Variants in ITK observed in about 807,000 individuals in gnomAD.
ITK encodes IL2 inducible T cell kinase, also known as tyrosine-protein kinase ITK/TSK.
In ITK, 45 loss-of-function variants were observed where a neutral mutation model predicts 87.6. The ratio of observed to expected loss-of-function variants is 0.51; its 90% CI spans 0.40 to 0.66. The LOEUF is 0.66. Among genes scored for constraint, ITK ranks in the 30% least tolerant of loss-of-function variants. The pLI is 0.00. For missense variants in ITK, 605 were observed against 766.3 expected (o/e 0.79, Z 2.48); for synonymous variants, 303 against 273.6 (o/e 1.11, Z -1.06).
At chr5:157,208,826 G>A (rs1159348428) in intron 1 of ITK, 63 bp from the exon 2 acceptor site, 2 of 1,161,278 alleles carry the variant, frequency 1.7e-6, no homozygotes, top group Non-Finnish European at 2.6e-6. Context: ...GATTTCTGGA[G>A]CAATCTGGAC....
intron 1 of ITK, among the ~76,000 whole-genome samples, chr5:157,202,048 T>C (rs1178341625): frequency 6.6e-6 from 1 of 152,102 alleles, no homozygotes; most frequent in Non-Finnish European, 1.5e-5. Flanking sequence ...TGTGCTCACT[T>C]TTTAGCCCCC....
intron 1 of ITK, among the ~76,000 whole-genome samples, chr5:157,207,065 C>T (rs1369680905): frequency 1.3e-5 from 2 of 151,948 alleles, no homozygotes; most frequent in Non-Finnish European, 2.9e-5. Context: ...TATATTTCAC[C>T]TTTAAATTTT....
chr5:157,228,552 G>C (rs1269878585), intron 7 of ITK, among the ~76,000 whole-genome samples, 191 bp downstream of exon 7: 2 of 152,182 alleles, frequency 1.3e-5, no homozygotes, highest in African/African-American at 2.4e-5. Context: ...TGGAGAAAAG[G>C]CTTGGGGTAG....
chr5:157,233,932 C>CAT (rs201838461), intron 8 of ITK, among the ~76,000 whole-genome samples: 666 of 21,500 alleles, frequency 0.031, 22 homozygotes, highest in African/African-American at 0.035. Flanking sequence ...CTTACTGATA[C>CAT]ATATATATAT....
chr5:157,241,621 C>T (rs1251800963), intron 10 of ITK, 25 bp from the exon 11 acceptor site: 2 of 1,584,860 alleles, frequency 1.3e-6, no homozygotes, highest in African/African-American at 1.3e-5. Context: ...CTAACCACTG[C>T]TTCTTGGCTT....
At chr5:157,209,481 C>CT (rs1464849770) in intron 2 of ITK, among the ~76,000 whole-genome samples, 1 of 152,164 alleles carries the variant, frequency 6.6e-6, no homozygotes, top group Non-Finnish European at 1.5e-5. Context: ...AATTCTTTCA[C>CT]TTATTGAACA....
intron 2 of ITK, among the ~76,000 whole-genome samples, chr5:157,209,760 T>A (rs1184444748): frequency 2.6e-5 from 4 of 152,058 alleles, no homozygotes; most frequent in Non-Finnish European, 5.9e-5. Flanking sequence ...TCTAGTACAG[T>A]AGCCACTAGC....
intron 4 of ITK, among the ~76,000 whole-genome samples, chr5:157,216,708 T>C (rs552796403): frequency 6.6e-5 from 10 of 152,176 alleles, no homozygotes; most frequent in African/African-American, 2.2e-4. Context: ...GGGCTGGAAG[T>C]GGCCAAGGCT....
At position 157,244,190 on chromosome 5, in the gene ITK, G is replaced by C. The variant is rs1212950087; in HGVS notation, c.1233-72G>C. 2.6e-6 allele frequency: 3 copies of C among 1,163,596 alleles called. No homozygotes were observed. The Admixed American group carries it at 5.1e-5, about 20-fold the overall frequency. The allele number at this position is 1,163,596 out of a possible 1,614,324, so 72.1% of individuals were successfully genotyped here. ...AGACAAAATGACCATTGGCTATTTT[G>C]GTACCATAATATTTTCGGCATTTTT... On this transcript the variant is annotated intron_variant, in intron 12 of 16. Coordinates refer to ENST00000422843, the MANE Select transcript of ITK (RefSeq NM_005546.4).
In ITK at chr5:157,201,075, A is replaced by AATAT. The variant is rs1554100495; in HGVS notation, c.139-7814_139-7813insATAT. ...CTATCCTAAAGTCAATTAAGATAATATACAATATTACTTGAATAAATGTCA... is the reference window on the plus strand; with the variant it reads ...CTATCCTAAAGTCAATTAAGATAATAATATTACAATATTACTTGAATAAATGTCA... On this transcript the variant is annotated intron_variant, in intron 1 of 16. Coordinates refer to ENST00000422843, the MANE Select transcript of ITK (RefSeq NM_005546.4). Among the ~76,000 whole-genome samples, 619 of 151,572 alleles carry AATAT rather than the reference A, an allele frequency of 4.1e-3. 5 individuals are homozygous for AATAT. The highest frequency in any genetic ancestry group is 0.014 in the African/African-American group (597 of 41,448).
intron 1 of ITK, among the ~76,000 whole-genome samples, chr5:157,193,498 C>T (rs916375569): frequency 2.0e-5 from 3 of 152,116 alleles, no homozygotes; most frequent in Admixed American, 2.0e-4. Context: ...TTCATAGCAT[C>T]AAGGTTAAGT....
At chr5:157,232,953 T>C (rs956524444) in intron 8 of ITK, among the ~76,000 whole-genome samples, 4 of 152,198 alleles carry the variant, frequency 2.6e-5, no homozygotes, top group Non-Finnish European at 5.9e-5. Context: ...AGAGGAAACA[T>C]AGCACTTGTT....
chr5:157,210,586 C>T (rs980888707), intron 2 of ITK, among the ~76,000 whole-genome samples: 7 of 148,688 alleles, frequency 4.7e-5, no homozygotes, highest in African/African-American at 1.7e-4. Context: ...GGTACATGTG[C>T]ACATTGTGCA....
rs1030526919 is a variant in ITK, at chr5:157,244,208, G to A, written c.1233-54G>A. ...CTATTTTGGTACCATAATATTTTCG[G>A]CATTTTTGGGAGACTGAGTTTAGGC... is the stretch of plus-strand genomic sequence containing the variant. On this transcript the variant is annotated intron_variant, in intron 12 of 16. Coordinates refer to ENST00000422843, the MANE Select transcript of ITK (RefSeq NM_005546.4). 15 of 1,397,894 alleles carry A rather than the reference G, an allele frequency of 1.1e-5. No individual in the cohort carries two copies. In the African/African-American group the frequency reaches 1.8e-4, roughly 17 times the overall value. 86.6% of individuals were successfully genotyped at this position (1,397,894 alleles called of 1,614,324 possible). A position where few individuals can be genotyped will look rare whatever the true frequency, so the allele number is the denominator to read the frequency against.
rs749770977 is a variant in ITK, at chr5:157,229,556, T to C, written c.713+1195T>C. On this transcript the variant is annotated intron_variant, in intron 7 of 16. Coordinates refer to ENST00000422843, the MANE Select transcript of ITK (RefSeq NM_005546.4). ...ATTCTCTAAAATTAATGTCCTGGGC[T>C]CTTCAAAAAAAAATGTTAATATCAG... Among the ~76,000 whole-genome samples the C allele has an allele frequency of 5.3e-5, 8 of 151,928 alleles. No individual in the cohort carries two copies. In the Middle Eastern group the frequency reaches 0.017, roughly 323 times the overall value.
intron 13 of ITK, chr5:157,245,292 A>C (rs766199758): frequency 1.3e-4 from 32 of 253,768 alleles, no homozygotes; most frequent in Non-Finnish European, 2.1e-4. Flanking sequence ...TCAATGCAAC[A>C]GTCTATAATA....
chr5:157,180,951 G>A lies in ITK; in HGVS notation c.-27G>A, dbSNP rs2113732549. On this transcript the variant is annotated 5_prime_UTR_variant, in exon 1 of 17. Coordinates refer to ENST00000422843, the MANE Select transcript of ITK (RefSeq NM_005546.4). ...GGTTGTGCTAAGAGGTGATGCCCAA[G>A]GTGCACCACCTTTCAAGAACTGGAT... 1 of 1,611,528 alleles carries A rather than the reference G, an allele frequency of 6.2e-7. No individual in the cohort carries two copies. The highest frequency in any genetic ancestry group is 2.2e-5 in the East Asian group (1 of 44,836).
intron 11 of ITK, 123 bp downstream of exon 11, chr5:157,241,843 T>C: frequency 1.4e-6 from 1 of 716,070 alleles, no homozygotes. Flanking sequence ...AAGTGTATTA[T>C]ATATCTAGAG....
intron 1 of ITK, among the ~76,000 whole-genome samples, chr5:157,203,071 G>A (rs1375241990): frequency 3.9e-5 from 6 of 152,144 alleles, no homozygotes; most frequent in East Asian, 1.9e-4. Flanking sequence ...GCTCCTGTTC[G>A]ACTTTTTGGT....
Sources: gnomAD v4.1 joint callset for allele counts (sites outside exome capture counted in the v4.1 genomes callset) on GRCh38, gnomAD v4.1.1 for gene constraint, MANE v1.5 for transcripts, NCBI Gene and HGNC (gene_info 2026-07-23, HGNC 2026-07-21) for gene names.